Variants in TIRAP observed in about 807,000 individuals in gnomAD.
TIRAP encodes toll/interleukin-1 receptor domain-containing adapter protein.
TIRAP carries 20 observed loss-of-function variants against 19.8 expected under a neutral mutation model. The observed-to-expected ratio is 1.01, with a 90% CI of 0.71 to 1.47. TIRAP has a LOEUF of 1.47. TIRAP is among the 40% of genes most tolerant of loss of function. The pLI is 0.00. For synonymous variants in TIRAP, 125 were observed against 121.7 expected (o/e 1.03, Z -0.18); for missense variants, 276 against 285.1 (o/e 0.97, Z 0.23).
chr11:126,287,878 C>T lies in TIRAP; in HGVS notation c.-216-2584C>T, dbSNP rs1056373684. On this transcript the variant is annotated intron_variant, in intron 1 of 4. Transcript: ENST00000392679. This position sits in a 1 kb window ranked among gnomAD's most constrained non-coding sequence, Gnocchi z 4.2. ...AAGGGATTATCCAGCCTCAGCCACC[C>T]AAGTAGCTAGGATTACAGGTGTGCG... 4.6e-5 allele frequency among the ~76,000 whole-genome samples: 7 copies of T among 152,164 alleles called. No homozygotes were observed. Among genetic ancestry groups the T allele is most frequent in the Non-Finnish European group, 4.4e-5 (3 of 68,042 alleles).
chr11:126,290,911 C>G lies in TIRAP; in HGVS notation c.17C>G (p.Ser6Cys). The G allele has an allele frequency of 6.2e-7, 1 of 1,607,072 alleles. No individual in the cohort carries two copies. Among genetic ancestry groups the G allele is most frequent in the Non-Finnish European group, 8.5e-7 (1 of 1,176,336 alleles). ...CCCCACGCTATGGCATCATCGACCT[C>G]CCTCCCAGCTCCTGGCTCTCGGCCT... MASST[S>C]LPAPGSRPKK... The change falls in exon 3 of 5, where the codon TCC becomes TGC. Residue 6 changes from serine to cysteine, a missense_variant. By Grantham distance (112) the Ser-to-Cys change is moderately radical (BLOSUM62 -1). Coordinates refer to ENST00000392679, the MANE Select transcript of TIRAP (RefSeq NM_001318777.2). This position sits in a 1 kb window ranked among gnomAD's most constrained non-coding sequence, Gnocchi z 4.9.
rs1218006556 is a variant in TIRAP at position 126,292,815 on chromosome 11, G to A, written c.406G>A (p.Ala136Thr). ...GGAIVSELCQ[A>T]LSSSHCRVLL... ...CGCTATAGTGTCCGAGCTGTGCCAG[G>A]CACTGAGCAGTAGTCACTGCCGGGT... The change falls in exon 4 of 5, where the codon GCA becomes ACA. Residue 136 changes from alanine to threonine, a missense_variant. Transcript: ENST00000392679. 6.2e-7 allele frequency: 1 copy of A among 1,612,796 alleles called. No individual in the cohort carries two copies. Among genetic ancestry groups the A allele is most frequent in the Non-Finnish European group, 8.5e-7 (1 of 1,179,836 alleles).
chr11:126,290,974 G>A lies in TIRAP; in HGVS notation c.67+13G>A, dbSNP rs200394933. The A allele has an allele frequency of 5.0e-4, 806 of 1,598,886 alleles. 1 individual carries two copies. Among genetic ancestry groups the A allele is most frequent in the Admixed American group, 1.9e-3 (111 of 58,174 alleles). On this transcript the variant is annotated intron_variant, in intron 3 of 4. Transcript: ENST00000392679. This position sits in a 1 kb window ranked among gnomAD's most constrained non-coding sequence, Gnocchi z 4.9. ...GGCAAGATGGCTGGTGAGTGGAACCGGACTCGCGACTCTGCTGTGTTCCTG... is the reference window on the plus strand; with the variant it reads ...GGCAAGATGGCTGGTGAGTGGAACCAGACTCGCGACTCTGCTGTGTTCCTG...
intron 1 of TIRAP, among the ~76,000 whole-genome samples, chr11:126,285,762 G>T (rs1951315239): frequency 6.6e-6 from 1 of 151,928 alleles, no homozygotes; most frequent in Non-Finnish European, 1.5e-5. Context: ...TTAAAGCTGG[G>T]CATGGTGGCT....
At position 126,294,840 on chromosome 11, in the gene TIRAP, A is replaced by T. The variant is rs1178971291; in HGVS notation, c.*1153A>T. ...GCCAGGCGCCATGGCTCACACCTGTAATCTCAGCACTTTGGGAGGCCGAGG... is the reference window on the plus strand; with the variant it reads ...GCCAGGCGCCATGGCTCACACCTGTTATCTCAGCACTTTGGGAGGCCGAGG... On this transcript the variant is annotated 3_prime_UTR_variant, in exon 5 of 5. Transcript: ENST00000392679. 3.8e-6 allele frequency: 1 copy of T among 264,266 alleles called. No homozygotes were observed. The highest frequency in any genetic ancestry group is 7.5e-6 in the Non-Finnish European group (1 of 134,134). 16.4% of individuals were successfully genotyped at this position (264,266 alleles called of 1,614,324 possible).
In TIRAP at chr11:126,287,160, A is replaced by C. The variant is rs761905140; in HGVS notation, c.-216-3302A>C. ...GATGTGGGCCTCTTTGTGGGCCACT[A>C]TTCTGTCTACCCCAGATAGTGATTC... On this transcript the variant is annotated intron_variant, in intron 1 of 4. Coordinates refer to ENST00000392679, the MANE Select transcript of TIRAP (RefSeq NM_001318777.2). This position sits in a 1 kb window ranked among gnomAD's most constrained non-coding sequence, Gnocchi z 4.2. 6.6e-6 allele frequency among the ~76,000 whole-genome samples: 1 copy of C among 152,196 alleles called. No individual in the cohort carries two copies. The highest frequency in any genetic ancestry group is 1.5e-5 in the Non-Finnish European group (1 of 68,042).
Position 126,288,017 on chromosome 11 carries a change from G to A in TIRAP, c.-216-2445G>A, listed in dbSNP as rs778683534. On this transcript the variant is annotated intron_variant, in intron 1 of 4. Coordinates refer to ENST00000392679, the MANE Select transcript of TIRAP (RefSeq NM_001318777.2). This position sits in a 1 kb window ranked among gnomAD's most constrained non-coding sequence, Gnocchi z 5.0. ...GATCTGCCCACCTCGGCCTCCCAAAGTGCTGGGATTACAGGGGAGCACCAG... is the reference window on the plus strand; with the variant it reads ...GATCTGCCCACCTCGGCCTCCCAAAATGCTGGGATTACAGGGGAGCACCAG... Among the ~76,000 whole-genome samples the A allele has an allele frequency of 2.6e-5, 4 of 151,994 alleles. No homozygotes were observed. Among genetic ancestry groups the A allele is most frequent in the Non-Finnish European group, 5.9e-5 (4 of 68,004 alleles).
chr11:126,293,018 T>C lies in TIRAP; in HGVS notation c.609T>C (p.Asp203=), dbSNP rs202046482. 1 of 1,614,178 alleles carries C rather than the reference T, an allele frequency of 6.2e-7. No homozygotes were observed. The highest frequency in any genetic ancestry group is 8.5e-7 in the Non-Finnish European group (1 of 1,180,022). ...ACTACGTCGATGGCAGGGGCCCTGA[T>C]GGTGGCTTTCGTCAAGTCAAAGAAG... ...FMYYVDGRGP[D]GGFRQVKEAV... The change falls in exon 4 of 5, where the codon GAT becomes GAC. Residue 203 remains aspartate, a synonymous_variant. Coordinates refer to ENST00000392679, the MANE Select transcript of TIRAP (RefSeq NM_001318777.2).
At position 126,294,417 on chromosome 11, in the gene TIRAP, C is replaced by T; in HGVS notation, c.*730C>T. 2.3e-6 allele frequency: 1 copy of T among 428,760 alleles called. No homozygotes were observed. Among genetic ancestry groups the T allele is most frequent in the South Asian group, 1.7e-5 (1 of 60,402 alleles). The allele number at this position is 428,760 out of a possible 1,614,324, so 26.6% of individuals were successfully genotyped here. ...TATGGGGGTGGGGTGGTGGAGGGAG[C>T]AAGTGAAGAGATGGGAATCCAGGGC... On this transcript the variant is annotated 3_prime_UTR_variant, in exon 5 of 5. Coordinates refer to ENST00000392679, the MANE Select transcript of TIRAP (RefSeq NM_001318777.2).
intron 4 of TIRAP, 105 bp from the exon 5 acceptor site, chr11:126,293,563 G>C (rs1405216553): frequency 1.5e-6 from 2 of 1,310,300 alleles, no homozygotes; most frequent in Admixed American, 1.7e-5. Flanking sequence ...TATTGCAGTA[G>C]GTTTGGAAGT....
At chr11:126,289,740 C>G in intron 1 of TIRAP, 1 of 985,450 alleles carries the variant, frequency 1.0e-6, no homozygotes, top group Non-Finnish European at 1.2e-6. Flanking sequence ...TAGAATACTA[C>G]AGCCCCCACA....
In TIRAP at chr11:126,290,683, T is replaced by A; in HGVS notation, c.-93+98T>A. On this transcript the variant is annotated intron_variant, in intron 2 of 4. Transcript: ENST00000392679. The surrounding 1 kb of genome is among the most constrained non-coding windows in gnomAD (Gnocchi z 4.9). ...AATCTCATGAGGAATGAAAGACCCA[T>A]TTAGAGAAGAAGCCTCTGTCAGGCA... The A allele has an allele frequency of 1.5e-6, 2 of 1,347,344 alleles. No individual in the cohort carries two copies. Among genetic ancestry groups the A allele is most frequent in the Non-Finnish European group, 1.9e-6 (2 of 1,052,522 alleles). 83.5% of individuals were successfully genotyped at this position (1,347,344 alleles called of 1,614,324 possible).
At chr11:126,289,600 TTTTA>T in intron 1 of TIRAP, 1 of 966,316 alleles carries the variant, frequency 1.0e-6, no homozygotes, top group Non-Finnish European at 1.2e-6. Flanking sequence ...TTTTGAAACC[TTTTA>T]TTTTAGTGTG....
chr11:126,289,184 T>C (rs1951354295), intron 1 of TIRAP, among the ~76,000 whole-genome samples: 1 of 152,242 alleles, frequency 6.6e-6, no homozygotes, highest in African/African-American at 2.4e-5. Context: ...TTCTACTTCT[T>C]TTTTGAACTT....
At position 126,290,342 on chromosome 11, in the gene TIRAP, C is replaced by G; in HGVS notation, c.-216-120C>G. ...ATGGAGTTATTCAGGGGGAGGCAGA[C>G]TTGGAGGAAAAGTCTCCCAAGATTT... On this transcript the variant is annotated intron_variant, in intron 1 of 4. Coordinates refer to ENST00000392679, the MANE Select transcript of TIRAP (RefSeq NM_001318777.2). The surrounding 1 kb of genome is among the most constrained non-coding windows in gnomAD (Gnocchi z 4.9). 1.3e-6 allele frequency: 1 copy of G among 793,390 alleles called. No individual in the cohort carries two copies. Among genetic ancestry groups the G allele is most frequent in the Non-Finnish European group, 1.5e-6 (1 of 654,718 alleles). The allele number at this position is 793,390 out of a possible 1,614,324, so 49.1% of individuals were successfully genotyped here.
intron 4 of TIRAP, 158 bp downstream of exon 4, chr11:126,293,213 A>C: frequency 7.2e-7 from 1 of 1,391,974 alleles, no homozygotes; most frequent in Non-Finnish European, 9.8e-7. Context: ...TTATTAACCC[A>C]TAAAAAGTAA....
Position 126,291,168 on chromosome 11 carries a change from T to C in TIRAP, c.67+207T>C. The C allele has an allele frequency of 1.4e-6, 1 of 699,424 alleles. No individual in the cohort carries two copies. Among genetic ancestry groups the C allele is most frequent in the Non-Finnish European group, 2.3e-6 (1 of 431,372 alleles). 43.3% of individuals were successfully genotyped at this position (699,424 alleles called of 1,614,324 possible). The stretch of plus-strand genomic sequence containing the variant: ...GTCAGCTCAGCCAGATCTTTATCCT[T>C]TTGGCTCAAAGGTTTTCCAGGCCTG... On this transcript the variant is annotated intron_variant, in intron 3 of 4. Transcript: ENST00000392679. The surrounding 1 kb of genome is among the most constrained non-coding windows in gnomAD (Gnocchi z 5.6).
At chr11:126,285,821 T>C (rs1951315958) in intron 1 of TIRAP, among the ~76,000 whole-genome samples, 1 of 151,100 alleles carries the variant, frequency 6.6e-6, no homozygotes, top group Admixed American at 6.6e-5. Flanking sequence ...GCGGATCACT[T>C]GAGGCCACGA....
In TIRAP at chr11:126,288,804, T is replaced by G. The variant is rs1342917575; in HGVS notation, c.-216-1658T>G. Among the ~76,000 whole-genome samples, 8 of 152,216 alleles carry G rather than the reference T, an allele frequency of 5.3e-5. No individual in the cohort carries two copies. In the East Asian group the frequency reaches 1.5e-3, roughly 29 times the overall value. On this transcript the variant is annotated intron_variant, in intron 1 of 4. Transcript: ENST00000392679. This position sits in a 1 kb window ranked among gnomAD's most constrained non-coding sequence, Gnocchi z 5.0. ...AAGTAGATTAACATATTATGTTAATTTTTAACCTTTAGAATATTTACAAAT... is the reference window on the plus strand; with the variant it reads ...AAGTAGATTAACATATTATGTTAATGTTTAACCTTTAGAATATTTACAAAT...
Sources: gnomAD v4.1 joint callset for allele counts (sites outside exome capture counted in the v4.1 genomes callset) on GRCh38, gnomAD v4.1.1 for gene constraint, Gnocchi (gnomAD v3.1) non-coding constraint, MANE v1.5 for transcripts, NCBI Gene and HGNC (gene_info 2026-07-23, HGNC 2026-07-21) for gene names.